SLC6A17: variants seen among roughly 807,000 people sequenced by gnomAD.
SLC6A17 encodes solute carrier family 6 member 17, also known as sodium-dependent neutral amino acid transporter SLC6A17.
Under a neutral mutation model 64.5 loss-of-function variants are expected in SLC6A17, and 21 were observed. That is an observed-to-expected ratio of 0.33 (90% CI 0.23 to 0.47). The LOEUF (loss-of-function observed/expected upper bound fraction) is 0.47, where lower values mean the gene tolerates loss of function less well. Ranked by LOEUF, SLC6A17 falls within the 20% of genes least tolerant of loss-of-function variation. The pLI is 1.00. For synonymous variants in SLC6A17, 372 were observed against 399.5 expected, an observed-to-expected ratio of 0.93 and a Z score of 0.82; for missense variants, 682 against 963.2, an observed-to-expected ratio of 0.71 and a Z score of 3.86.
At chr1:110,182,810 G>A (rs1013704427) in intron 6 of SLC6A17, among the ~76,000 whole-genome samples, 4 of 152,134 alleles carry the variant, frequency 2.6e-5, no homozygotes, top group Non-Finnish European at 5.9e-5. Context: ...GGCTACTTGG[G>A]TGGAGTGCTG....
In SLC6A17 at chr1:110,198,458, C is replaced by T. The variant is rs1013875727; in HGVS notation, c.*14C>T. Reference sequence around the variant, plus strand: ...TCGGAGCTGTGACCACTGCCCAAGCCCTGCCCGCCTCTCCCCCCACGCTCA... The same window carrying T: ...TCGGAGCTGTGACCACTGCCCAAGCTCTGCCCGCCTCTCCCCCCACGCTCA... On this transcript the variant is annotated 3_prime_UTR_variant, in exon 12 of 12. Coordinates refer to ENST00000331565, the MANE Select transcript of SLC6A17 (RefSeq NM_001010898.4). The T allele has an allele frequency of 1.0e-5, 16 of 1,586,034 alleles. No individual in the cohort carries two copies. The highest frequency in any genetic ancestry group is 1.7e-5 in the Admixed American group (1 of 58,724).
intron 6 of SLC6A17, chr1:110,177,586 A>G (rs916863897): frequency 1.3e-5 from 2 of 152,110 alleles, no homozygotes; most frequent in African/African-American, 4.8e-5. Context: ...TACATCAGAA[A>G]CCCCAGCTGG....
chr1:110,191,834 C>T, intron 6 of SLC6A17, 138 bp from the exon 7 acceptor site: 1 of 1,408,638 alleles, frequency 7.1e-7, no homozygotes, highest in South Asian at 1.5e-5. Context: ...AGGGAAATTG[C>T]CCAAGTTCAC....
Position 110,194,584 on chromosome 1 carries a change from G to A in SLC6A17, c.1305G>A (p.Val435=), listed in dbSNP as rs758630053. 32 of 1,613,982 alleles carry A rather than the reference G, an allele frequency of 2.0e-5. No homozygotes were observed. Among genetic ancestry groups the A allele is most frequent in the South Asian group, 2.2e-5 (2 of 91,086 alleles). ...GCTTTCCACCCCACCTTCAGTCCGT[G>A]CAGGGCACAGGCCTGGCCTTCATCG... is the stretch of plus-strand genomic sequence containing the variant. ...CLLEDELDKS[V]QGTGLAFIAF... is the part of the protein sequence containing the mutation. Residue 435 remains valine (V), a synonymous_variant, in exon 9 of 12, where the codon GTG becomes GTA. Coordinates refer to ENST00000331565, the MANE Select transcript of SLC6A17 (RefSeq NM_001010898.4).
At chr1:110,167,538 C>T (rs1201846424) in intron 2 of SLC6A17, among the ~76,000 whole-genome samples, 1 of 152,180 alleles carries the variant, frequency 6.6e-6, no homozygotes, top group African/African-American at 2.4e-5. Flanking sequence ...GCTCCTGCCT[C>T]ATAGGATAGT....
chr1:110,167,028 T>C lies in SLC6A17; in HGVS notation c.99T>C (p.Tyr33=). 6.2e-7 allele frequency: 1 copy of C among 1,612,930 alleles called. No homozygotes were observed. The highest frequency in any genetic ancestry group is 8.5e-7 in the Non-Finnish European group (1 of 1,179,590). Residue 33 remains tyrosine, a synonymous_variant, in exon 2 of 12, where the codon TAT becomes TAC. Transcript: ENST00000331565. ...TGGCCCTCGAGGAGCCTGTGGACTATAAGCAGAGTGTACTGAATGTGGCTG... is the reference window on the plus strand; with the variant it reads ...TGGCCCTCGAGGAGCCTGTGGACTACAAGCAGAGTGTACTGAATGTGGCTG... ...DLLALEEPVD[Y]KQSVLNVAGE...
At chr1:110,172,773 G>A (rs1281721638) in intron 3 of SLC6A17, among the ~76,000 whole-genome samples, 2 of 152,200 alleles carry the variant, frequency 1.3e-5, no homozygotes, top group Admixed American at 6.5e-5. Context: ...ACAGGGAGAC[G>A]CCAGTGGCCC....
chr1:110,183,698 A>C (rs1387261488), intron 6 of SLC6A17, among the ~76,000 whole-genome samples: 1 of 152,212 alleles, frequency 6.6e-6, no homozygotes, highest in African/African-American at 2.4e-5. Flanking sequence ...AGTTGGTCTC[A>C]GCTAGGACCA....
In SLC6A17 at chr1:110,197,541, C is replaced by T. The variant is rs771610727; in HGVS notation, c.1757C>T (p.Ala586Val). The change falls in exon 11 of 12, where the codon GCC (alanine) becomes GTC (valine). Residue 586 changes from alanine to valine, a missense_variant. Ala to Val is a moderately conservative substitution (Grantham distance 64). Coordinates refer to ENST00000331565, the MANE Select transcript of SLC6A17 (RefSeq NM_001010898.4). ...SPLCMAVLTT[A>V]SIIQLGVTPP... ...CTATGCATGGCTGTGCTCACCACAGCCAGCATCATCCAGCTGGGGGTCACG... is the reference window on the plus strand; with the variant it reads ...CTATGCATGGCTGTGCTCACCACAGTCAGCATCATCCAGCTGGGGGTCACG... The T allele has an allele frequency of 7.4e-6, 12 of 1,613,278 alleles. No homozygotes were observed. In the South Asian group the frequency reaches 7.7e-5, roughly 10 times the overall value.
At chr1:110,171,787 T>A (rs1404162734) in intron 2 of SLC6A17, among the ~76,000 whole-genome samples, 1 of 152,104 alleles carries the variant, frequency 6.6e-6, no homozygotes, top group African/African-American at 2.4e-5. Context: ...TGTCTGTCTG[T>A]TTCTGAACCT....
intron 3 of SLC6A17, chr1:110,172,516 T>C (rs1483287942): frequency 1.2e-5 from 4 of 332,420 alleles, no homozygotes; most frequent in Non-Finnish European, 2.2e-5. Context: ...CAGAGTTCTC[T>C]GGGAACATAT....
chr1:110,194,497 GT>G (rs955940153), intron 8 of SLC6A17, 81 bp from the exon 9 acceptor site: 8 of 1,455,796 alleles, frequency 5.5e-6, no homozygotes, highest in Non-Finnish European at 5.6e-6. Context: ...TATTCCAAAA[GT>G]TTGAAGGGCA....
chr1:110,186,445 CAA>C (rs55986433), intron 6 of SLC6A17, among the ~76,000 whole-genome samples: 8 of 87,958 alleles, frequency 9.1e-5, no homozygotes, highest in Admixed American at 1.2e-4. Flanking sequence ...AAATAATTAC[CAA>C]AAAAAAAAAA....
In SLC6A17 at chr1:110,172,176, A is replaced by G. The variant is rs753970226; in HGVS notation, c.403A>G (p.Ile135Val). ...CGGCAGCATCGGTGTGTGGCACTATATATGTCCCCGCCTGGGGGGCATCGG... is the reference window on the plus strand; with the variant it reads ...CGGCAGCATCGGTGTGTGGCACTATGTATGTCCCCGCCTGGGGGGCATCGG... ...RRGSIGVWHYICPRLGGIGFS... is the reference protein window; with the variant it reads ...RRGSIGVWHYVCPRLGGIGFS... The change falls in exon 3 of 12, where the codon ATA becomes GTA. Residue 135 changes from isoleucine (I) to valine (V), a missense_variant. Around this residue, in one of 3 missense-constraint regions of SLC6A17, gnomAD observed 415 missense variants for 603.8 expected, o/e 0.69. Transcript: ENST00000331565. The G allele has an allele frequency of 5.0e-6, 8 of 1,609,208 alleles. No homozygotes were observed. The highest frequency in any genetic ancestry group is 6.8e-6 in the Non-Finnish European group (8 of 1,177,948).
intron 1 of SLC6A17, among the ~76,000 whole-genome samples, chr1:110,155,673 G>A (rs1201187090): frequency 6.6e-6 from 1 of 152,170 alleles, no homozygotes; most frequent in Non-Finnish European, 1.5e-5. Context: ...CTACCTAGCA[G>A]TTTATTTGAA....
intron 8 of SLC6A17, among the ~76,000 whole-genome samples, 175 bp from the exon 9 acceptor site, chr1:110,194,404 A>G (rs905851779): frequency 2.0e-5 from 3 of 152,246 alleles, no homozygotes; most frequent in Non-Finnish European, 4.4e-5. Context: ...GGGGATTCCA[A>G]TGCCTGCTAA....
chr1:110,200,089 G>C lies in SLC6A17; in HGVS notation c.*1645G>C. ...CAGTGCTCAACCCGGACACCCTCAC[G>C]AAGGGTCGCAAGTCACTCTTGTGGC... On this transcript the variant is annotated 3_prime_UTR_variant, in exon 12 of 12. Transcript: ENST00000331565. The C allele has an allele frequency of 2.5e-6, 1 of 398,510 alleles. No individual in the cohort carries two copies. Among genetic ancestry groups the C allele is most frequent in the East Asian group, 3.6e-5 (1 of 28,052 alleles). 24.7% of individuals were successfully genotyped at this position (398,510 alleles called of 1,614,324 possible). A position where few individuals can be genotyped will look rare whatever the true frequency, so the allele number is the denominator to read the frequency against.
In SLC6A17 at chr1:110,172,184, C is replaced by T. The variant is rs2101846824; in HGVS notation, c.411C>T (p.Pro137=). The change falls in exon 3 of 12, where the codon CCC becomes CCT. Residue 137 remains proline (P), a synonymous_variant. Coordinates refer to ENST00000331565, the MANE Select transcript of SLC6A17 (RefSeq NM_001010898.4). ...TCGGTGTGTGGCACTATATATGTCCCCGCCTGGGGGGCATCGGCTTCTCCA... is the reference window on the plus strand; with the variant it reads ...TCGGTGTGTGGCACTATATATGTCCTCGCCTGGGGGGCATCGGCTTCTCCA... The part of the protein sequence containing the change: ...GSIGVWHYIC[P]RLGGIGFSSC... 1 of 1,606,360 alleles carries T rather than the reference C, an allele frequency of 6.2e-7. No homozygotes were observed. The highest frequency in any genetic ancestry group is 8.5e-7 in the Non-Finnish European group (1 of 1,176,508).
At chr1:110,151,617 T>C (rs1655609724) in intron 1 of SLC6A17, among the ~76,000 whole-genome samples, 1 of 152,118 alleles carries the variant, frequency 6.6e-6, no homozygotes, top group Admixed American at 6.5e-5. Flanking sequence ...CGCAGTACTA[T>C]GGGTGGGCCG....
Sources: allele counts gnomAD v4.1 joint callset (sites outside exome capture counted in the v4.1 genomes callset), GRCh38; gene constraint gnomAD v4.1.1; regional missense constraint gnomAD v4.1.1; transcripts MANE v1.5; gene names NCBI Gene and HGNC (gene_info 2026-07-23, HGNC 2026-07-21).